The following ADGRA3 variants were observed in gnomAD, a reference collection of about 807,000 sequenced individuals.
The protein encoded by ADGRA3 is G-protein coupled receptor 125.
ADGRA3 carries 56 observed loss-of-function variants against 119.8 expected under a neutral mutation model. The observed-to-expected ratio is 0.47, with a 90% CI of 0.38 to 0.58. The LOEUF is 0.58. Ranked by LOEUF, ADGRA3 falls within the 20% of genes least tolerant of loss-of-function variation. The pLI, the probability that ADGRA3 is intolerant of heterozygous loss-of-function variation, is 0.00. For synonymous variants in ADGRA3, 607 were observed against 623.8 expected, an observed-to-expected ratio of 0.97 and a Z score of 0.40; for missense variants, 1,516 against 1,649.0, an observed-to-expected ratio of 0.92 and a Z score of 1.40.
Position 22,429,610 on chromosome 4 carries a change from C to T in ADGRA3, c.1444-5258G>A, listed in dbSNP as rs1300048288. On this transcript the variant is annotated intron_variant, in intron 10 of 18. Coordinates refer to ENST00000334304, the MANE Select transcript of ADGRA3 (RefSeq NM_145290.4). ...GCTTCATGGAAGGAGAGCCAGGAAACGTGCCTGTTTTGACCTGGGCAAGAG... is the reference window on the plus strand; with the variant it reads ...GCTTCATGGAAGGAGAGCCAGGAAATGTGCCTGTTTTGACCTGGGCAAGAG... Among the ~76,000 whole-genome samples, 4 of 152,050 alleles carry T rather than the reference C, an allele frequency of 2.6e-5. No individual in the cohort carries two copies. In the East Asian group the frequency reaches 7.7e-4, roughly 29 times the overall value.
At chr4:22,476,170 T>G (rs1718035498) in intron 1 of ADGRA3, among the ~76,000 whole-genome samples, 1 of 152,114 alleles carries the variant, frequency 6.6e-6, no homozygotes, top group African/African-American at 2.4e-5. Context: ...TAAAAAGCAG[T>G]TAGCACAGGC....
At chr4:22,510,142 T>C (rs1410214318) in intron 1 of ADGRA3, among the ~76,000 whole-genome samples, 1 of 152,170 alleles carries the variant, frequency 6.6e-6, no homozygotes, top group Non-Finnish European at 1.5e-5. Context: ...CTTAAGTTAT[T>C]GCTATCTGGT....
At chr4:22,426,181 G>A (rs1476703872) in intron 10 of ADGRA3, among the ~76,000 whole-genome samples, 1 of 152,150 alleles carries the variant, frequency 6.6e-6, no homozygotes, top group Non-Finnish European at 1.5e-5. Context: ...GTATGTCTGT[G>A]TTCACGTAAA....
intron 1 of ADGRA3, among the ~76,000 whole-genome samples, chr4:22,508,028 C>G (rs542152039): frequency 6.6e-6 from 1 of 152,190 alleles, no homozygotes; most frequent in Non-Finnish European, 1.5e-5. Flanking sequence ...ACCACGTAGT[C>G]GTATCTCTGT....
At chr4:22,504,148 A>G (rs1719152898) in intron 1 of ADGRA3, among the ~76,000 whole-genome samples, 1 of 152,114 alleles carries the variant, frequency 6.6e-6, no homozygotes, top group Non-Finnish European at 1.5e-5. Context: ...ACCTGCCCCC[A>G]ACCATGGTGA....
At chr4:22,393,884 A>G (rs1714240878) in intron 16 of ADGRA3, 3 of 152,196 alleles carry the variant, frequency 2.0e-5, no homozygotes, top group Admixed American at 2.0e-4. Context: ...GTGCTCAGTA[A>G]GTATAGGATA....
At position 22,516,008 on chromosome 4, in the gene ADGRA3, T is replaced by C. The variant is rs1022059769; in HGVS notation, c.-224A>G. ...GGCCGCATGGGTCCCAGCGCCGCTC[T>C]ACCGCCCGGCGCGAGCACCGCCTCC... On this transcript the variant is annotated 5_prime_UTR_variant, in exon 1 of 19. Transcript: ENST00000334304. 1 of 160,454 alleles carries C rather than the reference T, an allele frequency of 6.2e-6. No homozygotes were observed. The highest frequency in any genetic ancestry group is 1.3e-5 in the Non-Finnish European group (1 of 75,752). 9.9% of individuals were successfully genotyped at this position (160,454 alleles called of 1,614,324 possible).
At chr4:22,449,283 A>C in intron 4 of ADGRA3, among the ~76,000 whole-genome samples, 1 of 151,760 alleles carries the variant, frequency 6.6e-6, no homozygotes, top group Non-Finnish European at 1.5e-5. Flanking sequence ...AAAAAAAAAA[A>C]TTTTTTTTAA....
rs184510703 is a variant in ADGRA3, at chr4:22,436,084, G to C, written c.1287+356C>G. On this transcript the variant is annotated intron_variant, in intron 9 of 18. Transcript: ENST00000334304. ...AAAGATAACAAAAAGCACATGAGTA[G>C]TTCAAGTATTCTAAGCAATCGCTTT... Among the ~76,000 whole-genome samples, 753 of 152,228 alleles carry C rather than the reference G, an allele frequency of 4.9e-3. 16 individuals are homozygous for C. The highest frequency in any genetic ancestry group is 0.046 in the Admixed American group (697 of 15,280).
intron 14 of ADGRA3, among the ~76,000 whole-genome samples, chr4:22,412,424 T>G (rs904202647): frequency 4.6e-5 from 7 of 152,176 alleles, no homozygotes; most frequent in Non-Finnish European, 7.3e-5. Context: ...TGAGTATCCC[T>G]AACCCAAGAA....
intron 14 of ADGRA3, among the ~76,000 whole-genome samples, chr4:22,408,381 T>C (rs1207592038): frequency 6.6e-6 from 1 of 151,962 alleles, no homozygotes; most frequent in Admixed American, 6.6e-5. Flanking sequence ...AGAAGATGTA[T>C]GCAACACATA....
rs143621792 is a variant in ADGRA3 at position 22,464,374 on chromosome 4, C to T, written c.330-2566G>A. Among the ~76,000 whole-genome samples, 1,088 of 152,246 alleles carry T rather than the reference C, an allele frequency of 7.1e-3. 15 individuals carry two copies. The highest frequency in any genetic ancestry group is 0.025 in the African/African-American group (1,023 of 41,544). ...AAAAGTCAGGAAGCTTCACGAAATACATTTAAATGGTCAGAAAAGGTCTTA... is the reference window on the plus strand; with the variant it reads ...AAAAGTCAGGAAGCTTCACGAAATATATTTAAATGGTCAGAAAAGGTCTTA... On this transcript the variant is annotated intron_variant, in intron 2 of 18. Transcript: ENST00000334304.
intron 11 of ADGRA3, among the ~76,000 whole-genome samples, chr4:22,423,170 G>A (rs967964605): frequency 1.5e-4 from 23 of 151,782 alleles, no homozygotes; most frequent in African/African-American, 3.2e-4. Flanking sequence ...ACTCCAGCCC[G>A]GGTGACAGAG....
chr4:22,413,864 A>C, intron 12 of ADGRA3, 50 bp from the exon 13 acceptor site: 1 of 1,237,278 alleles, frequency 8.1e-7, no homozygotes, highest in Non-Finnish European at 1.1e-6. Context: ...AGTACATAGA[A>C]ACCAGAAAAA....
Position 22,387,814 on chromosome 4 carries a change from G to A in ADGRA3, c.3857C>T (p.Ala1286Val), listed in dbSNP as rs1560290274. The stretch of plus-strand genomic sequence containing the variant: ...GCTTTTAATTGGTCCATTCTGAATG[G>A]CCAAGTTGAGGCCATAAGATTTTTG... ...NQQKSYGLNL[A>V]IQNGPIKSNG... is the part of the protein sequence containing the mutation. The change falls in exon 19 of 19, where the codon GCC becomes GTC. Residue 1286 changes from alanine to valine, a missense_variant. Physicochemically the swap from Ala to Val is moderately conservative, Grantham distance 64. Coordinates refer to ENST00000334304, the MANE Select transcript of ADGRA3 (RefSeq NM_145290.4). The A allele has an allele frequency of 1.2e-6, 2 of 1,614,076 alleles. No individual in the cohort carries two copies. The highest frequency in any genetic ancestry group is 1.7e-6 in the Non-Finnish European group (2 of 1,179,968).
intron 10 of ADGRA3, among the ~76,000 whole-genome samples, chr4:22,425,106 T>C (rs1223016443): frequency 6.7e-6 from 1 of 148,978 alleles, no homozygotes; most frequent in Non-Finnish European, 1.5e-5. Context: ...CAGGCAGGCA[T>C]ACTACCCACC....
chr4:22,477,340 G>A (rs1334562064), intron 1 of ADGRA3, among the ~76,000 whole-genome samples: 2 of 152,212 alleles, frequency 1.3e-5, no homozygotes, highest in South Asian at 2.1e-4. Context: ...CACTTTTCTA[G>A]GTAGACTTCA....
rs141176406 is a variant in ADGRA3, at chr4:22,402,829, C to A, written c.2233-30G>T. The A allele has an allele frequency of 9.9e-5, 157 of 1,588,312 alleles. 1 individual carries two copies. The African/African-American group carries it at 1.9e-3, about 19-fold the overall frequency. Reference sequence around the variant, plus strand: ...GGGCAAAAAGAAAGATCCATTCTAGCAGTACTTCTCTCCACATTTAACTAC... The same window carrying A: ...GGGCAAAAAGAAAGATCCATTCTAGAAGTACTTCTCTCCACATTTAACTAC... On this transcript the variant is annotated intron_variant, in intron 14 of 18. Coordinates refer to ENST00000334304, the MANE Select transcript of ADGRA3 (RefSeq NM_145290.4).
At chr4:22,427,650 CAGA>C (rs1432541445) in intron 10 of ADGRA3, among the ~76,000 whole-genome samples, 1 of 152,142 alleles carries the variant, frequency 6.6e-6, no homozygotes, top group African/African-American at 2.4e-5. Context: ...AGCTTGGTTA[CAGA>C]AGTAGCTCTG....
Sources: gnomAD v4.1 joint callset for allele counts (sites outside exome capture counted in the v4.1 genomes callset) on GRCh38, gnomAD v4.1.1 for gene constraint, MANE v1.5 for transcripts, NCBI Gene and HGNC (gene_info 2026-07-23, HGNC 2026-07-21) for gene names.